The following NYAP2 variants were observed in gnomAD, a reference collection of about 807,000 sequenced individuals.
The protein encoded by NYAP2 is neuronal tyrosine-phosphorylated phosphoinositide-3-kinase adaptor 2.
In NYAP2, 23 loss-of-function variants were observed where a neutral mutation model predicts 50.4. The ratio of observed to expected loss-of-function variants is 0.46; its 90% CI spans 0.33 to 0.65. The LOEUF is 0.65. Among genes scored for constraint, NYAP2 ranks in the 30% least tolerant of loss-of-function variants. The probability of loss-of-function intolerance (pLI) is 0.02; values close to 1 mark genes in which losing one functional copy is unlikely to be tolerated. For missense variants in NYAP2, 885 were observed against 861.0 expected (o/e 1.03, Z -0.35); for synonymous variants, 394 against 365.2 (o/e 1.08, Z -0.90).
chr2:225,621,872 G>A (rs542593052), intron 5 of NYAP2, among the ~76,000 whole-genome samples: 5 of 152,090 alleles, frequency 3.3e-5, no homozygotes, highest in Non-Finnish European at 7.4e-5. Flanking sequence ...GCATGTGCCA[G>A]AGTTCCTTTT....
chr2:225,658,124 G>T (rs1693857662), downstream of NYAP2, among the ~76,000 whole-genome samples: 1 of 152,150 alleles, frequency 6.6e-6, no homozygotes, highest in South Asian at 2.1e-4. Flanking sequence ...TGGAAGAAAA[G>T]CAGAAACAAC....
chr2:225,638,222 C>A (rs13393541), intron 6 of NYAP2, among the ~76,000 whole-genome samples: 1 of 125,002 alleles, frequency 8.0e-6, no homozygotes, highest in Admixed American at 7.8e-5. Context: ...GAGAGAGAGA[C>A]AGAGAGAGAG....
At chr2:225,569,532 A>G (rs1478910619) in intron 4 of NYAP2, among the ~76,000 whole-genome samples, 1 of 152,116 alleles carries the variant, frequency 6.6e-6, no homozygotes, top group Non-Finnish European at 1.5e-5. Context: ...CTTCAACAGG[A>G]ACACAAGCAT....
intron 5 of NYAP2, among the ~76,000 whole-genome samples, chr2:225,610,719 T>C (rs1260147073): frequency 6.6e-6 from 1 of 152,158 alleles, no homozygotes; most frequent in Admixed American, 6.5e-5. Context: ...GTTTTCAAAG[T>C]GCATTCTGTG....
intron 4 of NYAP2, among the ~76,000 whole-genome samples, chr2:225,575,610 C>A (rs141679988): frequency 1.0e-3 from 153 of 152,298 alleles, no homozygotes; most frequent in African/African-American, 3.6e-3. Context: ...ATAGCTTGAG[C>A]TTCCTTACAG....
chr2:225,460,244 G>T (rs951035630), intron 3 of NYAP2, among the ~76,000 whole-genome samples: 2 of 152,094 alleles, frequency 1.3e-5, no homozygotes, highest in African/African-American at 2.4e-5. Flanking sequence ...AATTAATAAG[G>T]TAGCAATTTC....
chr2:225,636,767 C>A (rs1289822257), intron 6 of NYAP2, among the ~76,000 whole-genome samples: 1 of 152,130 alleles, frequency 6.6e-6, no homozygotes, highest in East Asian at 1.9e-4. Flanking sequence ...TCTTTTCCAA[C>A]CCTGCCACCA....
At chr2:225,653,984 A>G (rs944176114) in exon 7 of NYAP2, 1 of 150,244 alleles carries the variant, frequency 6.7e-6, no homozygotes, top group East Asian at 2.0e-4. Flanking sequence ...GCACCACTGC[A>G]CTCCAGCCTG....
rs138569889 is a variant in NYAP2 at position 225,473,039 on chromosome 2, A to G, written c.222-40332A>G. Among the ~76,000 whole-genome samples the G allele has an allele frequency of 2.4e-3, 358 of 152,262 alleles. 2 individuals are homozygous for G. Among genetic ancestry groups the G allele is most frequent in the African/African-American group, 8.1e-3 (338 of 41,552 alleles). On this transcript the variant is annotated intron_variant, in intron 3 of 6. Transcript: ENST00000636099. ...TGTTCTCATTGTTCAATTCCCACAT[A>G]TGAGTGAGAACATGCGGTGTTTGGT...
intron 4 of NYAP2, among the ~76,000 whole-genome samples, chr2:225,581,652 G>C (rs1390560204): frequency 6.6e-6 from 1 of 152,106 alleles, no homozygotes; most frequent in Non-Finnish European, 1.5e-5. Flanking sequence ...TCATCTGAAA[G>C]CTTCTCCTTA....
intron 5 of NYAP2, among the ~76,000 whole-genome samples, chr2:225,592,478 C>T (rs1315895540): frequency 1.3e-5 from 2 of 152,192 alleles, no homozygotes; most frequent in Non-Finnish European, 2.9e-5. Context: ...ATGTACTTGA[C>T]AGAATCAGAC....
At chr2:225,541,628 C>A (rs1691475385) in intron 4 of NYAP2, among the ~76,000 whole-genome samples, 1 of 152,080 alleles carries the variant, frequency 6.6e-6, no homozygotes, top group South Asian at 2.1e-4. Context: ...TCTAGGTTCT[C>A]TGTTCTGTTC....
At chr2:225,457,381 C>CA (rs1441375835) in intron 3 of NYAP2, among the ~76,000 whole-genome samples, 1 of 152,002 alleles carries the variant, frequency 6.6e-6, no homozygotes, top group African/African-American at 2.4e-5. Context: ...ACCAGCCCTT[C>CA]AATGGACACA....
chr2:225,656,698 A>G (rs143566802), downstream of NYAP2, among the ~76,000 whole-genome samples: 430 of 152,124 alleles, frequency 2.8e-3, 3 homozygotes, highest in African/African-American at 9.6e-3. Flanking sequence ...AAGATAGACA[A>G]CCCAAAATAG....
chr2:225,519,388 C>T (rs1691005159), intron 4 of NYAP2, among the ~76,000 whole-genome samples: 1 of 151,370 alleles, frequency 6.6e-6, no homozygotes, highest in African/African-American at 2.4e-5. Context: ...CATCATTTAG[C>T]ATTAGGTATA....
chr2:225,580,270 C>A (rs1692249284), intron 4 of NYAP2, among the ~76,000 whole-genome samples: 1 of 152,142 alleles, frequency 6.6e-6, no homozygotes, highest in African/African-American at 2.4e-5. Flanking sequence ...AATCTGATGA[C>A]TTACTAAAAT....
intron 3 of NYAP2, among the ~76,000 whole-genome samples, chr2:225,454,932 T>A (rs1689715154): frequency 6.6e-6 from 1 of 152,054 alleles, no homozygotes; most frequent in Admixed American, 6.5e-5. Flanking sequence ...ATTAGATTTA[T>A]TTTTGGGTGA....
chr2:225,487,557 A>G (rs781328423), intron 3 of NYAP2, among the ~76,000 whole-genome samples: 11 of 151,960 alleles, frequency 7.2e-5, no homozygotes, highest in Non-Finnish European at 1.3e-4. Context: ...ACAGGGTTTC[A>G]CCGTGTTGGC....
At chr2:225,405,426 G>A (rs952442214) in intron 2 of NYAP2, among the ~76,000 whole-genome samples, 3 of 151,966 alleles carry the variant, frequency 2.0e-5, no homozygotes, top group African/African-American at 7.2e-5. Flanking sequence ...TGTCATTTAA[G>A]GGCCTGACAT....
Sources: gnomAD v4.1 joint callset for allele counts (sites outside exome capture counted in the v4.1 genomes callset) on GRCh38, gnomAD v4.1.1 for gene constraint, MANE v1.5 for transcripts, NCBI Gene and HGNC (gene_info 2026-07-23, HGNC 2026-07-21) for gene names.